TSNARE1: variants seen among roughly 807,000 people sequenced by gnomAD.
TSNARE1 encodes the protein t-SNARE domain containing 1.
A neutral mutation model predicts 62.0 loss-of-function variants in TSNARE1; 49 were observed. That is an observed-to-expected ratio of 0.79 (90% confidence interval 0.63 to 1.00). The LOEUF is 1.00. TSNARE1 is among the 50% of genes least tolerant of loss of function. TSNARE1 has a pLI of 0.00. For missense variants in TSNARE1, 755 were observed against 700.1 expected, an observed-to-expected ratio of 1.08 and a Z score of -0.88; for synonymous variants, 328 against 294.4, an observed-to-expected ratio of 1.11 and a Z score of -1.17.
At chr8:142,360,718 C>A (rs1835090767) in intron 1 of TSNARE1, among the ~76,000 whole-genome samples, 1 of 152,146 alleles carries the variant, frequency 6.6e-6, no homozygotes, top group South Asian at 2.1e-4. Flanking sequence ...CCAGGGAACA[C>A]CCACCTCAGG....
At chr8:142,347,917 C>A (rs1833589252) in intron 2 of TSNARE1, among the ~76,000 whole-genome samples, 1 of 152,274 alleles carries the variant, frequency 6.6e-6, no homozygotes, top group Non-Finnish European at 1.5e-5. Flanking sequence ...CATCCACTCA[C>A]CCAAGTCCAG....
chr8:142,294,580 G>A (rs938451987), intron 10 of TSNARE1, among the ~76,000 whole-genome samples: 1 of 152,198 alleles, frequency 6.6e-6, no homozygotes, highest in African/African-American at 2.4e-5. Flanking sequence ...ACAGCTCAGT[G>A]CAGAGGGTGG....
At chr8:142,401,486 A>G (rs1451959856) in intron 1 of TSNARE1, among the ~76,000 whole-genome samples, 2 of 152,116 alleles carry the variant, frequency 1.3e-5, no homozygotes, top group African/African-American at 4.8e-5. Flanking sequence ...CAGGAGCCAA[A>G]CCCAGGACCT....
At chr8:142,330,850 C>T (rs767673220) in intron 6 of TSNARE1, 51 bp downstream of exon 6, 3 of 1,593,718 alleles carry the variant, frequency 1.9e-6, no homozygotes, top group Non-Finnish European at 2.6e-6. Context: ...GCCCCTGCCC[C>T]CCAATGTGCA....
intron 11 of TSNARE1, chr8:142,279,815 G>A (rs1821114475): frequency 3.1e-6 from 3 of 966,984 alleles, no homozygotes; most frequent in Non-Finnish European, 3.7e-6. Context: ...CTTGCCCCAG[G>A]GCAGTGTGGT....
intron 10 of TSNARE1, among the ~76,000 whole-genome samples, chr8:142,289,645 TGG>T (rs1293657918): frequency 1.3e-5 from 2 of 152,090 alleles, no homozygotes; most frequent in East Asian, 3.9e-4. Flanking sequence ...TGCAAAGGGA[TGG>T]GCCACTTCTA....
chr8:142,382,127 C>T (rs931225518), intron 1 of TSNARE1, among the ~76,000 whole-genome samples: 3 of 152,178 alleles, frequency 2.0e-5, no homozygotes, highest in East Asian at 3.9e-4. Context: ...CATGGGCATC[C>T]GAGTGGCATG....
chr8:142,328,353 T>C (rs1830546257), intron 6 of TSNARE1, among the ~76,000 whole-genome samples: 1 of 152,200 alleles, frequency 6.6e-6, no homozygotes, highest in Admixed American at 6.5e-5. Context: ...CCTCCTTATT[T>C]GGAAATGTCA....
At chr8:142,356,286 CCT>C (rs1408897348) in intron 1 of TSNARE1, among the ~76,000 whole-genome samples, 1 of 152,176 alleles carries the variant, frequency 6.6e-6, no homozygotes, top group Non-Finnish European at 1.5e-5. Context: ...GTCCTCAGCC[CCT>C]CTCTCCACAG....
intron 12 of TSNARE1, among the ~76,000 whole-genome samples, chr8:142,272,177 A>G (rs1007577440): frequency 2.6e-5 from 4 of 151,468 alleles, no homozygotes; most frequent in Non-Finnish European, 4.4e-5. Flanking sequence ...CTACTCACCC[A>G]TTTATCCATG....
Position 142,274,698 on chromosome 8 carries a change from C to T in TSNARE1, c.1446+83G>A, listed in dbSNP as rs369254477. On this transcript the variant is annotated intron_variant, in intron 12 of 13. Coordinates refer to ENST00000524325, the MANE Select transcript of TSNARE1 (RefSeq NM_145003.5). ...CCAGGCACAGGGCAGGGCCTGGGCC[C>T]CTCCAGACAGACGGAGGGAGGGTTG... The T allele has an allele frequency of 1.3e-4, 179 of 1,406,788 alleles. 1 individual carries two copies. The African/African-American group carries it at 2.3e-3, about 18-fold the overall frequency. 87.1% of individuals were successfully genotyped at this position (1,406,788 alleles called of 1,614,324 possible).
intron 9 of TSNARE1, among the ~76,000 whole-genome samples, chr8:142,309,248 C>CT (rs201269304): frequency 7.2e-5 from 11 of 152,174 alleles, no homozygotes; most frequent in African/African-American, 1.9e-4. Context: ...CAATCCTACT[C>CT]TTTTTTTTCA....
intron 3 of TSNARE1, 81 bp from the exon 4 acceptor site, chr8:142,344,553 C>T (rs1192073556): frequency 1.2e-5 from 16 of 1,365,902 alleles, no homozygotes; most frequent in Non-Finnish European, 1.5e-5. Flanking sequence ...CCTACGGCGC[C>T]TCCTCTCTGG....
chr8:142,249,983 G>T (rs577350182), intron 12 of TSNARE1, among the ~76,000 whole-genome samples: 2 of 152,330 alleles, frequency 1.3e-5, no homozygotes, highest in East Asian at 3.9e-4. Context: ...CTTGGGGAGT[G>T]GGGGCCGGGG....
At chr8:142,359,535 G>A (rs574884205) in intron 1 of TSNARE1, among the ~76,000 whole-genome samples, 32 of 152,298 alleles carry the variant, frequency 2.1e-4, no homozygotes, top group Non-Finnish European at 3.7e-4. Context: ...CCTTAGACAC[G>A]GCACCGCTCA....
At chr8:142,254,352 C>T (rs1164890630) in intron 12 of TSNARE1, among the ~76,000 whole-genome samples, 1 of 152,192 alleles carries the variant, frequency 6.6e-6, no homozygotes, top group East Asian at 1.9e-4. Context: ...CTGCTGCTGT[C>T]TGCAGAAGAC....
chr8:142,237,007 TG>T (rs1416963981), intron 12 of TSNARE1, among the ~76,000 whole-genome samples: 4 of 152,028 alleles, frequency 2.6e-5, no homozygotes, highest in Non-Finnish European at 5.9e-5. Flanking sequence ...GAAGAGCCCA[TG>T]GTTATGAGGG....
chr8:142,269,467 G>A (rs924269792), intron 12 of TSNARE1: 37 of 985,342 alleles, frequency 3.8e-5, no homozygotes, highest in East Asian at 1.1e-4. Flanking sequence ...CGAGGCCACT[G>A]TCAGCCGTGC....
chr8:142,218,953 GT>G (rs1816078308), intron 13 of TSNARE1, among the ~76,000 whole-genome samples: 1 of 152,252 alleles, frequency 6.6e-6, no homozygotes, highest in African/African-American at 2.4e-5. Flanking sequence ...AGAGGAGACA[GT>G]CAAGGAGGCA....
Sources: gnomAD v4.1 joint callset for allele counts (sites outside exome capture counted in the v4.1 genomes callset) on GRCh38, gnomAD v4.1.1 for gene constraint, MANE v1.5 for transcripts, NCBI Gene and HGNC (gene_info 2026-07-23, HGNC 2026-07-21) for gene names.